MED20: variants seen among roughly 807,000 people sequenced by gnomAD.
MED20 encodes mediator complex subunit 20.
Under a neutral mutation model 19.7 loss-of-function variants are expected in MED20, and 19 were observed. The ratio of observed to expected loss-of-function variants is 0.96; its 90% CI spans 0.67 to 1.42. The LOEUF (loss-of-function observed/expected upper bound fraction) is 1.42. Ranked by LOEUF, MED20 falls within the 40% of genes most tolerant of loss-of-function variation. The probability of loss-of-function intolerance (pLI) is 0.00; values close to 1 mark genes in which losing one functional copy is unlikely to be tolerated. For synonymous variants in MED20, 105 were observed against 104.8 expected (o/e 1.00, Z -0.01); for missense variants, 225 against 273.0 (o/e 0.82, Z 1.24).
chr6:41,921,022 G>A lies in MED20; in HGVS notation c.-4C>T, dbSNP rs191509830. 2,635 of 1,612,728 alleles carry A rather than the reference G, an allele frequency of 1.6e-3. 25 individuals carry two copies. The highest frequency in any genetic ancestry group is 1.3e-3 in the Admixed American group (79 of 59,896). On this transcript the variant is annotated 5_prime_UTR_variant, in exon 1 of 4. In the 5' UTR this introduces an upstream ATG that the reference lacks. Transcript: ENST00000265350. ...AGTCCTACCAAGTCACTCCCATGGC[G>A]TCGGGCCAGGAAGGTGGCAGAATCA...
chr6:41,906,243 C>T lies in MED20; in HGVS notation c.*829G>A, dbSNP rs779347732. 6.6e-6 allele frequency: 1 copy of T among 152,208 alleles called. No homozygotes were observed. Among genetic ancestry groups the T allele is most frequent in the African/African-American group, 2.4e-5 (1 of 41,444 alleles). 9.4% of individuals were successfully genotyped at this position (152,208 alleles called of 1,614,324 possible). A position where few individuals can be genotyped will look rare whatever the true frequency, so the allele number is the denominator to read the frequency against. On this transcript the variant is annotated 3_prime_UTR_variant, in exon 4 of 4. Transcript: ENST00000265350. ...TTTTTTAAAATCTGCTCTTTTCTCT[C>T]TCTCTTTCCCCAGTGGAATGCAGAT... is the stretch of plus-strand genomic sequence containing the variant.
intron 1 of MED20, among the ~76,000 whole-genome samples, chr6:41,919,965 T>C (rs1308119117): frequency 6.6e-6 from 1 of 152,196 alleles, no homozygotes; most frequent in Admixed American, 6.5e-5. Flanking sequence ...CATGCTTTTG[T>C]ATGAGAAGCC....
chr6:41,915,974 T>C (rs968352661), intron 2 of MED20, among the ~76,000 whole-genome samples: 1 of 151,870 alleles, frequency 6.6e-6, no homozygotes, highest in Admixed American at 6.6e-5. Flanking sequence ...TAGCCAGGAG[T>C]GGTGGCTCAT....
At position 41,920,793 on chromosome 6, in the gene MED20, A is replaced by C. The variant is rs184801111; in HGVS notation, c.14+212T>G. 363 of 519,548 alleles carry C rather than the reference A, an allele frequency of 7.0e-4. 2 individuals are homozygous for C. Among genetic ancestry groups the C allele is most frequent in the African/African-American group, 2.7e-3 (135 of 50,134 alleles). The allele number at this position is 519,548 out of a possible 1,614,324, so 32.2% of individuals were successfully genotyped here. A position where few individuals can be genotyped will look rare whatever the true frequency, so the allele number is the denominator to read the frequency against. ...TTAAAAAAAACAAAACAAAACAAAA[A>C]AAAAACCTTTGCTTTCCCGCCTTCC... is the stretch of plus-strand genomic sequence containing the variant. On this transcript the variant is annotated intron_variant, in intron 1 of 3. Transcript: ENST00000265350.
At chr6:41,910,689 C>T (rs888202500) in intron 2 of MED20, among the ~76,000 whole-genome samples, 6 of 151,248 alleles carry the variant, frequency 4.0e-5, no homozygotes, top group African/African-American at 1.2e-4. Flanking sequence ...CTCTTTCATA[C>T]GCTACAAGAA....
chr6:41,921,139 C>A lies in MED20; in HGVS notation c.-121G>T, dbSNP rs779324505. ...TGTCTCAGAAGGGACTCCGGAAATA[C>A]GTAAAAACAGAGCGCCGGGTCCACG... On this transcript the variant is annotated 5_prime_UTR_variant, in exon 1 of 4. Transcript: ENST00000265350. The A allele has an allele frequency of 7.4e-7, 1 of 1,352,764 alleles. No homozygotes were observed. The highest frequency in any genetic ancestry group is 1.0e-6 in the Non-Finnish European group (1 of 985,966). The allele number at this position is 1,352,764 out of a possible 1,614,324, so 83.8% of individuals were successfully genotyped here. A position where few individuals can be genotyped will look rare whatever the true frequency, so the allele number is the denominator to read the frequency against.
intron 2 of MED20, among the ~76,000 whole-genome samples, chr6:41,911,442 C>T (rs918347621): frequency 3.3e-5 from 5 of 152,072 alleles, no homozygotes; most frequent in East Asian, 1.9e-4. Flanking sequence ...TGAGCCGCCA[C>T]GCCCAGCTGA....
chr6:41,911,397 C>T (rs972454267), intron 2 of MED20, among the ~76,000 whole-genome samples: 19 of 151,908 alleles, frequency 1.3e-4, no homozygotes, highest in Admixed American at 6.6e-4. Flanking sequence ...GTGATCTGCC[C>T]GCCTCAGCCT....
intron 1 of MED20, among the ~76,000 whole-genome samples, chr6:41,919,080 G>T (rs1022136542): frequency 8.1e-5 from 11 of 135,840 alleles, no homozygotes; most frequent in Non-Finnish European, 1.7e-4. Context: ...AGTGAGCCGA[G>T]ATCACGCCAC....
chr6:41,920,185 G>A (rs1418603566), intron 1 of MED20, among the ~76,000 whole-genome samples: 4 of 152,074 alleles, frequency 2.6e-5, no homozygotes, highest in Non-Finnish European at 5.9e-5. Flanking sequence ...ATTGAAACTA[G>A]ACCAACCATG....
intron 1 of MED20, among the ~76,000 whole-genome samples, chr6:41,918,932 C>T (rs1309940650): frequency 6.9e-5 from 8 of 116,180 alleles, no homozygotes; most frequent in Non-Finnish European, 1.2e-4. Context: ...CCGGCCTGGG[C>T]GACAGAGCGA....
chr6:41,920,935 A>G, intron 1 of MED20, 70 bp downstream of exon 1: 2 of 1,562,906 alleles, frequency 1.3e-6, no homozygotes. Flanking sequence ...ACGGCGGACC[A>G]TGGTCAAGGT....
In MED20 at chr6:41,909,285, C is replaced by CG. The variant is rs1561935537; in HGVS notation, c.406dup (p.Arg136ProfsTer16). The CG allele has an allele frequency of 1.9e-6, 3 of 1,614,022 alleles. No individual in the cohort carries two copies. Among genetic ancestry groups the CG allele is most frequent in the Non-Finnish European group, 2.5e-6 (3 of 1,180,018 alleles). On this transcript the variant is annotated frameshift_variant, in exon 3 of 4. Transcript: ENST00000265350. LOFTEE classifies it high-confidence loss of function. ...AGGTCTTACCTCCACAGAGATGCCC[C>CG]GGGCACTGGGCCCCATTGTGACCGT... is the stretch of plus-strand genomic sequence containing the variant.
chr6:41,911,542 C>G (rs73426218), intron 2 of MED20, among the ~76,000 whole-genome samples: 61 of 151,948 alleles, frequency 4.0e-4, no homozygotes, highest in African/African-American at 1.4e-3. Flanking sequence ...GGAAAGACTT[C>G]AGGATAGGAA....
intron 2 of MED20, among the ~76,000 whole-genome samples, chr6:41,913,888 A>T (rs137888939): frequency 0.015 from 2,265 of 152,210 alleles, 55 homozygotes; most frequent in African/African-American, 0.052. Flanking sequence ...ACAAGAACAA[A>T]ACTCCGTCTC....
At chr6:41,910,525 G>A (rs1775164539) in intron 2 of MED20, among the ~76,000 whole-genome samples, 1 of 151,754 alleles carries the variant, frequency 6.6e-6, no homozygotes, top group African/African-American at 2.4e-5. Context: ...CCAGCTACTG[G>A]GGAGGCTGAG....
At position 41,909,316 on chromosome 6, in the gene MED20, C is replaced by T; in HGVS notation, c.376G>A (p.Val126Met). The T allele has an allele frequency of 6.2e-7, 1 of 1,614,146 alleles. No homozygotes were observed. Among genetic ancestry groups the T allele is most frequent in the Non-Finnish European group, 8.5e-7 (1 of 1,180,028 alleles). The change falls in exon 3 of 4, where the codon GTG becomes ATG. Residue 126 changes from valine (V) to methionine (M), a missense_variant. Coordinates refer to ENST00000265350, the MANE Select transcript of MED20 (RefSeq NM_004275.5). ...RYQYCDFLVKVGTVTMGPSAR... is the reference protein window; with the variant it reads ...RYQYCDFLVKMGTVTMGPSAR... ...CTGGGCCCCATTGTGACCGTGCCCACCTTCACCAGGAAGTCACAGTACTGG... is the reference window on the plus strand; with the variant it reads ...CTGGGCCCCATTGTGACCGTGCCCATCTTCACCAGGAAGTCACAGTACTGG...
chr6:41,909,516 G>T lies in MED20; in HGVS notation c.176C>A (p.Thr59Asn). The change falls in exon 3 of 4, where the codon ACC (threonine) becomes AAC (asparagine). Residue 59 changes from threonine to asparagine, a missense_variant. Coordinates refer to ENST00000265350, the MANE Select transcript of MED20 (RefSeq NM_004275.5). ...AASTLGSQGQ[T>N]GKLMYVMHNS... is the part of the protein sequence containing the mutation. Reference sequence around the variant, plus strand: ...GTGCATCACATACATCAGCTTCCCGGTCTGACCTGCAAGGGACAGAGATCC... The same window carrying T: ...GTGCATCACATACATCAGCTTCCCGTTCTGACCTGCAAGGGACAGAGATCC... 6.2e-7 allele frequency: 1 copy of T among 1,614,094 alleles called. No individual in the cohort carries two copies. The highest frequency in any genetic ancestry group is 8.5e-7 in the Non-Finnish European group (1 of 1,179,942).
intron 3 of MED20, chr6:41,909,067 G>T: frequency 3.0e-6 from 2 of 658,052 alleles, no homozygotes; most frequent in Non-Finnish European, 5.1e-6. Context: ...CCAGGTACTT[G>T]GGAGACTGAG....
Sources: allele counts gnomAD v4.1 joint callset (sites outside exome capture counted in the v4.1 genomes callset), GRCh38; gene constraint gnomAD v4.1.1; transcripts MANE v1.5; gene names NCBI Gene and HGNC (gene_info 2026-07-23, HGNC 2026-07-21).